Variants in CCDC88C observed in about 807,000 individuals in gnomAD.
CCDC88C encodes the protein protein Daple.
Under a neutral mutation model 198.8 loss-of-function variants are expected in CCDC88C, and 131 were observed. The observed-to-expected ratio is 0.66, with a 90% CI of 0.57 to 0.76. The LOEUF (loss-of-function observed/expected upper bound fraction) is 0.76. Among genes scored for constraint, CCDC88C ranks in the 30% least tolerant of loss-of-function variants. The pLI, the probability that CCDC88C is intolerant of heterozygous loss-of-function variation, is 0.00. For missense variants in CCDC88C, 2,553 were observed against 2,631.6 expected (o/e 0.97, Z 0.65); for synonymous variants, 1,166 against 1,114.7 (o/e 1.05, Z -0.92).
chr14:91,303,255 T>C, intron 20 of CCDC88C, among the ~76,000 whole-genome samples: 1 of 117,952 alleles, frequency 8.5e-6, no homozygotes, highest in Admixed American at 8.8e-5. Context: ...CCCCGGGCCC[T>C]GCCCACTTCC....
In CCDC88C at chr14:91,289,220, G is replaced by A. The variant is rs368442287; in HGVS notation, c.4326C>T (p.Pro1442=). The change falls in exon 25 of 30, where the codon CCC becomes CCT. Residue 1442 remains proline, a synonymous_variant. Transcript: ENST00000389857. Reference sequence around the variant, plus strand: ...GCGGCTGAGAGGCCGCCGGCGAGGCGGGGTCTGAGGACTCCAGCTGCCAGG... The same window carrying A: ...GCGGCTGAGAGGCCGCCGGCGAGGCAGGGTCTGAGGACTCCAGCTGCCAGG... ...SPPWQLESSD[P]ASPAASQPLR... is the part of the protein sequence containing the mutation. 1.1e-4 allele frequency: 175 copies of A among 1,613,916 alleles called. 2 individuals carry two copies. Among genetic ancestry groups the A allele is most frequent in the South Asian group, 9.7e-4 (88 of 91,090 alleles).
rs1349888498 is a variant in CCDC88C at position 91,306,921 on chromosome 14, G to C, written c.3195+117C>G. 6.1e-6 allele frequency: 7 copies of C among 1,150,158 alleles called. No individual in the cohort carries two copies. The African/African-American group carries it at 1.1e-4, about 18-fold the overall frequency. The allele number at this position is 1,150,158 out of a possible 1,614,324, so 71.2% of individuals were successfully genotyped here. A position where few individuals can be genotyped will look rare whatever the true frequency, so the allele number is the denominator to read the frequency against. On this transcript the variant is annotated intron_variant, in intron 18 of 29. Transcript: ENST00000389857. The stretch of plus-strand genomic sequence containing the variant: ...CTGCAACTCAAGACGTGTCCAACTA[G>C]ATCTGGCTAAATCTCCTGTGTTCTT...
At position 91,339,199 on chromosome 14, in the gene CCDC88C, A is replaced by C; in HGVS notation, c.809+79T>G. The C allele has an allele frequency of 6.6e-7, 1 of 1,524,328 alleles. No homozygotes were observed. The highest frequency in any genetic ancestry group is 9.0e-7 in the Non-Finnish European group (1 of 1,114,796). 94.4% of individuals were successfully genotyped at this position (1,524,328 alleles called of 1,614,324 possible). On this transcript the variant is annotated intron_variant, in intron 8 of 29. Coordinates refer to ENST00000389857, the MANE Select transcript of CCDC88C (RefSeq NM_001080414.4). This position sits in a 1 kb window ranked among gnomAD's most constrained non-coding sequence, Gnocchi z 5.8. Reference sequence around the variant, plus strand: ...ACGTCAGAGCTGTGCCATTGGCAGCACCACACATGTGAGTCGACACCACAC... The same window carrying C: ...ACGTCAGAGCTGTGCCATTGGCAGCCCCACACATGTGAGTCGACACCACAC...
chr14:91,319,945 A>C (rs1291058940), intron 13 of CCDC88C, among the ~76,000 whole-genome samples: 1 of 150,092 alleles, frequency 6.7e-6, no homozygotes, highest in African/African-American at 2.5e-5. Context: ...GAATCACTTG[A>C]ACCTGGGAGG....
chr14:91,292,558 C>T (rs536718714), intron 23 of CCDC88C, among the ~76,000 whole-genome samples: 2 of 152,124 alleles, frequency 1.3e-5, no homozygotes, highest in Non-Finnish European at 2.9e-5. Flanking sequence ...TAGGTGAAGC[C>T]GACAGAATAA....
chr14:91,283,205 A>G, intron 26 of CCDC88C, 124 bp downstream of exon 26: 1 of 965,602 alleles, frequency 1.0e-6, no homozygotes, highest in Non-Finnish European at 1.5e-6. Flanking sequence ...CAGCAGCCTC[A>G]CCCCTCTACT....
intron 10 of CCDC88C, among the ~76,000 whole-genome samples, chr14:91,334,552 G>A (rs1892969436): frequency 6.6e-6 from 1 of 152,220 alleles, no homozygotes; most frequent in African/African-American, 2.4e-5. Flanking sequence ...CTGGGCCACA[G>A]AGGTGTCTCT....
chr14:91,300,246 G>T (rs1891213968), intron 20 of CCDC88C, among the ~76,000 whole-genome samples, 176 bp from the exon 21 acceptor site: 1 of 152,224 alleles, frequency 6.6e-6, no homozygotes, highest in African/African-American at 2.4e-5. Flanking sequence ...GCCACTGGGA[G>T]CCATGTCAAG....
Position 91,417,667 on chromosome 14 carries a change from G to A in CCDC88C, c.24C>T (p.Leu8=). The change falls in exon 1 of 30, where the codon CTC becomes CTT. Residue 8 remains leucine (L), a synonymous_variant. Transcript: ENST00000389857. MDVTVSE[L]LELFLQSPLV... Reference sequence around the variant, plus strand: ...GCGGGCTCTGCAGGAAGAGCTCCAGGAGCTCCGAGACTGTCACGTCCATGC... The same window carrying A: ...GCGGGCTCTGCAGGAAGAGCTCCAGAAGCTCCGAGACTGTCACGTCCATGC... 2 of 1,584,918 alleles carry A rather than the reference G, an allele frequency of 1.3e-6. No individual in the cohort carries two copies. The highest frequency in any genetic ancestry group is 1.7e-6 in the Non-Finnish European group (2 of 1,168,976).
rs1932141647 is a variant in CCDC88C at position 91,352,676 on chromosome 14, T to C, written c.340+6966A>G. 1.3e-5 allele frequency among the ~76,000 whole-genome samples: 2 copies of C among 152,074 alleles called. No individual in the cohort carries two copies. Among genetic ancestry groups the C allele is most frequent in the Admixed American group, 1.3e-4 (2 of 15,264 alleles). ...ACACATATACACTTATACACAGGAT[T>C]AGAGAATTATGGCCAGGAGAAATAA... On this transcript the variant is annotated intron_variant, in intron 4 of 29. Transcript: ENST00000389857. The surrounding 1 kb of genome is among the most constrained non-coding windows in gnomAD (Gnocchi z 4.2).
chr14:91,291,116 T>C (rs1664906878), intron 23 of CCDC88C, 32 bp from the exon 24 acceptor site: 1 of 1,224,756 alleles, frequency 8.2e-7, no homozygotes, highest in South Asian at 1.3e-5. Flanking sequence ...AACCTATCAA[T>C]CCAGTTTTAA....
rs573662013 is a variant in CCDC88C, at chr14:91,352,239, C to T, written c.340+7403G>A. On this transcript the variant is annotated intron_variant, in intron 4 of 29. Coordinates refer to ENST00000389857, the MANE Select transcript of CCDC88C (RefSeq NM_001080414.4). The surrounding 1 kb of genome is among the most constrained non-coding windows in gnomAD (Gnocchi z 4.2). Reference sequence around the variant, plus strand: ...CAGCGGCGTTCTCTGTGTGCCTGGGCCATCGCTAGGAAGTTTACTAACAAA... The same window carrying T: ...CAGCGGCGTTCTCTGTGTGCCTGGGTCATCGCTAGGAAGTTTACTAACAAA... Among the ~76,000 whole-genome samples, 9 of 152,344 alleles carry T rather than the reference C, an allele frequency of 5.9e-5. No individual in the cohort carries two copies. The highest frequency in any genetic ancestry group is 2.2e-4 in the African/African-American group (9 of 41,578).
At chr14:91,274,214 G>T (rs1889864493) in intron 29 of CCDC88C, among the ~76,000 whole-genome samples, 1 of 152,080 alleles carries the variant, frequency 6.6e-6, no homozygotes, top group African/African-American at 2.4e-5. Flanking sequence ...GATGGGAGGG[G>T]GTGGGGGACA....
chr14:91,336,850 C>G (rs994214107), intron 10 of CCDC88C, among the ~76,000 whole-genome samples: 1 of 152,232 alleles, frequency 6.6e-6, no homozygotes, highest in African/African-American at 2.4e-5. Flanking sequence ...GCACAGAACA[C>G]GTAGAGATCC....
At chr14:91,384,718 T>G (rs1567113415) in intron 3 of CCDC88C, among the ~76,000 whole-genome samples, 1 of 152,170 alleles carries the variant, frequency 6.6e-6, no homozygotes, top group Non-Finnish European at 1.5e-5. Flanking sequence ...TGCTCTATGG[T>G]GCAGGGCCAG....
intron 25 of CCDC88C, 82 bp from the exon 26 acceptor site, chr14:91,283,599 G>A: frequency 7.5e-7 from 1 of 1,326,392 alleles, no homozygotes; most frequent in South Asian, 1.4e-5. Flanking sequence ...CCTAGAAGCA[G>A]GGCAGCAGGG....
Position 91,283,419 on chromosome 14 carries a change from C to G in CCDC88C, c.4540G>C (p.Glu1514Gln). 1 of 1,613,702 alleles carries G rather than the reference C, an allele frequency of 6.2e-7. No individual in the cohort carries two copies. The highest frequency in any genetic ancestry group is 8.5e-7 in the Non-Finnish European group (1 of 1,179,808). The stretch of plus-strand genomic sequence containing the variant: ...GTTGAGCAAGTCCGGGAGCCCAGCT[C>G]CGAGGGCCAGGACCTCATGGCCAGA... ...TDLAMRSWPS[E>Q]LGSRTCSTSA... is the part of the protein sequence containing the mutation. Residue 1514 changes from glutamate to glutamine, a missense_variant, in exon 26 of 30, where the codon GAG becomes CAG. Glu to Gln is a conservative substitution (Grantham distance 29). Transcript: ENST00000389857.
At chr14:91,278,993 C>T (rs1343620933) in intron 28 of CCDC88C, among the ~76,000 whole-genome samples, 2 of 148,334 alleles carry the variant, frequency 1.3e-5, no homozygotes, top group South Asian at 2.2e-4. Context: ...CCTTGACCTC[C>T]CAGGCTTGAG....
intron 10 of CCDC88C, among the ~76,000 whole-genome samples, chr14:91,335,803 A>C (rs1409888621): frequency 6.6e-6 from 1 of 152,218 alleles, no homozygotes; most frequent in Non-Finnish European, 1.5e-5. Flanking sequence ...TCCTATGAGG[A>C]CTGAAGACGG....
Sources: allele counts gnomAD v4.1 joint callset (sites outside exome capture counted in the v4.1 genomes callset), GRCh38; gene constraint gnomAD v4.1.1; non-coding constraint Gnocchi (gnomAD v3.1); transcripts MANE v1.5; gene names NCBI Gene and HGNC (gene_info 2026-07-23, HGNC 2026-07-21).